Variants in DENND5B observed in about 807,000 individuals in gnomAD.
DENND5B encodes DENN domain containing 5B, also known as DENN domain-containing protein 5B.
In DENND5B, 34 loss-of-function variants were observed where a neutral mutation model predicts 140.6. That is an observed-to-expected ratio of 0.24 (90% CI 0.18 to 0.32). DENND5B has a LOEUF of 0.32. DENND5B is among the 10% of genes least tolerant of loss of function. The pLI is 1.00. For synonymous variants in DENND5B, 551 were observed against 562.1 expected (o/e 0.98, Z 0.28); for missense variants, 1,142 against 1,560.2 (o/e 0.73, Z 4.52).
intron 4 of DENND5B, among the ~76,000 whole-genome samples, chr12:31,455,266 A>C (rs1944717078): frequency 6.6e-6 from 1 of 152,108 alleles, no homozygotes; most frequent in African/African-American, 2.4e-5. Context: ...TCCTCCTATG[A>C]AAAGGGAAAA....
rs147674195 is a variant in DENND5B at position 31,523,204 on chromosome 12, A to G, written c.128-27285T>C. 6.6e-5 allele frequency among the ~76,000 whole-genome samples: 10 copies of G among 152,108 alleles called. No individual in the cohort carries two copies. The East Asian group carries it at 1.9e-3, about 29-fold the overall frequency. On this transcript the variant is annotated intron_variant, in intron 1 of 20. Transcript: ENST00000389082. ...CTCCCAAGAAACTGAGATTACCGGC[A>G]TGCACCACCACACCTGCCTGGCTAA...
chr12:31,488,956 C>A (rs1946413017), intron 2 of DENND5B, among the ~76,000 whole-genome samples: 3 of 152,280 alleles, frequency 2.0e-5, no homozygotes, highest in African/African-American at 7.2e-5. Flanking sequence ...GTAACTTTCC[C>A]AGTTTGAGTC....
At chr12:31,493,616 G>A (rs568588897) in intron 2 of DENND5B, among the ~76,000 whole-genome samples, 1 of 152,244 alleles carries the variant, frequency 6.6e-6, no homozygotes, top group African/African-American at 2.4e-5. Flanking sequence ...GATCACTTGA[G>A]GTCAGGAGTT....
chr12:31,589,051 A>C (rs1390311615), intron 1 of DENND5B, among the ~76,000 whole-genome samples: 1 of 152,198 alleles, frequency 6.6e-6, no homozygotes, highest in East Asian at 1.9e-4. Flanking sequence ...AAAGAGTCCT[A>C]GGTCACACCT....
intron 15 of DENND5B, among the ~76,000 whole-genome samples, chr12:31,400,850 G>GTC (rs1555133768): frequency 2.8e-5 from 4 of 142,800 alleles, no homozygotes; most frequent in Non-Finnish European, 3.0e-5. Context: ...TTTTTTTTTT[G>GTC]TTTTTTTTTT....
intron 2 of DENND5B, among the ~76,000 whole-genome samples, chr12:31,484,336 T>C (rs1361006806): frequency 6.6e-6 from 1 of 152,034 alleles, no homozygotes; most frequent in Non-Finnish European, 1.5e-5. Flanking sequence ...CATCAGAAGT[T>C]GACAATGATC....
intron 1 of DENND5B, among the ~76,000 whole-genome samples, chr12:31,551,461 T>C (rs1168464627): frequency 6.6e-6 from 1 of 152,238 alleles, no homozygotes; most frequent in African/African-American, 2.4e-5. Context: ...CTTTGGTTAC[T>C]GTAGCCTTGT....
intron 1 of DENND5B, among the ~76,000 whole-genome samples, chr12:31,544,364 C>G (rs959912399): frequency 2.0e-5 from 3 of 152,174 alleles, no homozygotes; most frequent in African/African-American, 7.2e-5. Flanking sequence ...TCACTGTAGC[C>G]TCAACCTCCA....
chr12:31,514,888 T>C (rs912689078), intron 1 of DENND5B, among the ~76,000 whole-genome samples: 3 of 152,000 alleles, frequency 2.0e-5, no homozygotes, highest in Non-Finnish European at 4.4e-5. Context: ...TCCCAACACT[T>C]TGGGAGGCTG....
Position 31,387,199 on chromosome 12 carries a change from G to GAA in DENND5B, c.*402_*403dup. On this transcript the variant is annotated 3_prime_UTR_variant, in exon 21 of 21. Transcript: ENST00000389082. Reference sequence around the variant, plus strand: ...TCTGGGTTTCTTTGTGATACCTGGAGAAAAAAAAAAGCCCGACTGGGTTGC... The same window carrying GAA: ...TCTGGGTTTCTTTGTGATACCTGGAGAAAAAAAAAAAAGCCCGACTGGGTTGC... 6.6e-6 allele frequency: 1 copy of GAA among 151,968 alleles called. No individual in the cohort carries two copies. Among genetic ancestry groups the GAA allele is most frequent in the Non-Finnish European group, 1.4e-5 (1 of 69,576 alleles). 9.4% of individuals were successfully genotyped at this position (151,968 alleles called of 1,614,324 possible). A position where few individuals can be genotyped will look rare whatever the true frequency, so the allele number is the denominator to read the frequency against.
At chr12:31,570,860 G>T in intron 1 of DENND5B, among the ~76,000 whole-genome samples, 1 of 151,902 alleles carries the variant, frequency 6.6e-6, no homozygotes, top group East Asian at 1.9e-4. Flanking sequence ...TCACAGGTAG[G>T]TTTTGGCAGG....
chr12:31,448,264 A>G (rs1291713886), intron 5 of DENND5B, among the ~76,000 whole-genome samples: 1 of 151,954 alleles, frequency 6.6e-6, no homozygotes, highest in Non-Finnish European at 1.5e-5. Context: ...CCTCCTGAGT[A>G]GCTGGGACTA....
At chr12:31,409,418 T>C (rs1235906968) in intron 13 of DENND5B, 34 bp from the exon 14 acceptor site, 4 of 1,356,846 alleles carry the variant, frequency 2.9e-6, no homozygotes, top group African/African-American at 1.6e-5. Context: ...AAGACAGTAG[T>C]ATCAAAGAAA....
At chr12:31,427,191 G>A (rs1400784578) in intron 8 of DENND5B, among the ~76,000 whole-genome samples, 1 of 152,018 alleles carries the variant, frequency 6.6e-6, no homozygotes, top group African/African-American at 2.4e-5. Context: ...TAACTCTAAG[G>A]TATCACAGAA....
rs567608611 is a variant in DENND5B at position 31,413,143 on chromosome 12, C to T, written c.2681+293G>A. Among the ~76,000 whole-genome samples, 11 of 152,250 alleles carry T rather than the reference C, an allele frequency of 7.2e-5. No homozygotes were observed. In the South Asian group the frequency reaches 2.3e-3, roughly 32 times the overall value. On this transcript the variant is annotated intron_variant, in intron 13 of 20. Coordinates refer to ENST00000389082, the MANE Select transcript of DENND5B (RefSeq NM_144973.4). ...TGTTACCCAGGCTGGTCTTGAATTC[C>T]TGGACTCAAGTGATCCTCCCACCTT... is the stretch of plus-strand genomic sequence containing the variant.
chr12:31,433,311 T>C, intron 7 of DENND5B, 63 bp from the exon 8 acceptor site: 1 of 1,425,618 alleles, frequency 7.0e-7, no homozygotes, highest in Non-Finnish European at 9.6e-7. Context: ...CATTAACCAT[T>C]CAACACAAAA....
chr12:31,398,489 G>A, intron 16 of DENND5B, 127 bp from the exon 17 acceptor site: 2 of 854,750 alleles, frequency 2.3e-6, no homozygotes, highest in Non-Finnish European at 3.5e-6. Flanking sequence ...GTTTTTTATA[G>A]AGAGGTCTCA....
At chr12:31,486,483 A>G (rs1946313240) in intron 2 of DENND5B, among the ~76,000 whole-genome samples, 1 of 152,220 alleles carries the variant, frequency 6.6e-6, no homozygotes, top group Non-Finnish European at 1.5e-5. Context: ...TAGGTCAAAT[A>G]CAATCTGCCA....
intron 1 of DENND5B, among the ~76,000 whole-genome samples, chr12:31,579,220 G>C (rs1310972566): frequency 1.3e-5 from 2 of 152,192 alleles, no homozygotes; most frequent in Non-Finnish European, 2.9e-5. Context: ...TGGAAAAGGT[G>C]CAGAACATCT....
Sources: allele counts gnomAD v4.1 joint callset (sites outside exome capture counted in the v4.1 genomes callset), GRCh38; gene constraint gnomAD v4.1.1; transcripts MANE v1.5; gene names NCBI Gene and HGNC (gene_info 2026-07-23, HGNC 2026-07-21).